SLF1: variants seen among roughly 807,000 people sequenced by gnomAD.
The protein encoded by SLF1 is SMC5/6 complex localization factor 1.
A neutral mutation model predicts 123.0 loss-of-function variants in SLF1; 105 were observed. That is an observed-to-expected ratio of 0.85 (90% confidence interval 0.73 to 1.00). The LOEUF is 1.00. Ranked by LOEUF, SLF1 falls within the 50% of genes least tolerant of loss-of-function variation. The pLI is 0.00. For missense variants in SLF1, 1,239 were observed against 1,223.0 expected, an observed-to-expected ratio of 1.01 and a Z score of -0.20; for synonymous variants, 434 against 406.6, an observed-to-expected ratio of 1.07 and a Z score of -0.81.
At chr5:94,619,043 T>C (rs1791329372) in intron 1 of SLF1, among the ~76,000 whole-genome samples, 1 of 152,088 alleles carries the variant, frequency 6.6e-6, no homozygotes, top group Non-Finnish European at 1.5e-5. Context: ...AGCGCCCCTC[T>C]GCAGTACTGG....
intron 5 of SLF1, among the ~76,000 whole-genome samples, chr5:94,648,701 T>G (rs1747343782): frequency 1.3e-5 from 2 of 151,994 alleles, no homozygotes; most frequent in Non-Finnish European, 1.5e-5. Flanking sequence ...AGGATGGTCT[T>G]GATCTTCTGA....
rs191659323 is a variant in SLF1, at chr5:94,691,372, G to T, written c.2420-192G>T. On this transcript the variant is annotated intron_variant, in intron 18 of 20. Transcript: ENST00000265140. ...GATAGAACAGAAGCAGTATGGATTG[G>T]TGGGGGTCCTTCCCCTTCCCACCCC... 2.8e-3 allele frequency: 1,424 copies of T among 505,182 alleles called. 23 individuals are homozygous for T. Among genetic ancestry groups the T allele is most frequent in the South Asian group, 0.014 (617 of 43,372 alleles). 31.3% of individuals were successfully genotyped at this position (505,182 alleles called of 1,614,324 possible). A position where few individuals can be genotyped will look rare whatever the true frequency, so the allele number is the denominator to read the frequency against.
chr5:94,659,780 G>T (rs1027992698), intron 9 of SLF1, among the ~76,000 whole-genome samples: 1 of 152,174 alleles, frequency 6.6e-6, no homozygotes, highest in Admixed American at 6.5e-5. Context: ...GTCATCACAG[G>T]TCTGGGTAGG....
intron 5 of SLF1, among the ~76,000 whole-genome samples, chr5:94,644,044 A>T (rs1430234962): frequency 6.6e-6 from 1 of 152,080 alleles, no homozygotes; most frequent in Non-Finnish European, 1.5e-5. Flanking sequence ...TACCCTTAAA[A>T]TCTTTCTCTC....
chr5:94,643,404 C>G lies in SLF1; in HGVS notation c.563C>G (p.Pro188Arg). ...GATAACTTTAAGGCTCCATTTTATCCAATTCAGTATCTAGGGGATTTTCTT... is the reference window on the plus strand; with the variant it reads ...GATAACTTTAAGGCTCCATTTTATCGAATTCAGTATCTAGGGGATTTTCTT... ...EKDNFKAPFYPIQYLGDFLLE... is the reference protein window; with the variant it reads ...EKDNFKAPFYRIQYLGDFLLE... The change falls in exon 5 of 21, where the codon CCA becomes CGA. Residue 188 changes from proline to arginine, a missense_variant. Pro to Arg is a moderately radical substitution (Grantham distance 103). Coordinates refer to ENST00000265140, the MANE Select transcript of SLF1 (RefSeq NM_032290.4). The G allele has an allele frequency of 6.6e-7, 1 of 1,520,436 alleles. No individual in the cohort carries two copies. Among genetic ancestry groups the G allele is most frequent in the Non-Finnish European group, 8.9e-7 (1 of 1,129,726 alleles). 94.2% of individuals were successfully genotyped at this position (1,520,436 alleles called of 1,614,324 possible). A position where few individuals can be genotyped will look rare whatever the true frequency, so the allele number is the denominator to read the frequency against.
intron 7 of SLF1, 22 bp downstream of exon 7, chr5:94,651,867 A>T (rs1010355300): frequency 3.2e-6 from 4 of 1,264,884 alleles, no homozygotes. Flanking sequence ...CAAATTAAAA[A>T]TAATTTATTT....
intron 1 of SLF1, among the ~76,000 whole-genome samples, chr5:94,619,556 A>G (rs957894138): frequency 2.0e-5 from 3 of 152,094 alleles, no homozygotes; most frequent in Non-Finnish European, 4.4e-5. Flanking sequence ...AGTTAGATGG[A>G]GCTTGATTTT....
At chr5:94,656,420 GCTTTT>G (rs1465037118) in intron 9 of SLF1, among the ~76,000 whole-genome samples, 1 of 151,796 alleles carries the variant, frequency 6.6e-6, no homozygotes, top group Non-Finnish European at 1.5e-5. Context: ...TTTTGCATCT[GCTTTT>G]CTCAGGGATA....
At chr5:94,675,323 A>C (rs565592160) in intron 14 of SLF1, among the ~76,000 whole-genome samples, 1 of 152,230 alleles carries the variant, frequency 6.6e-6, no homozygotes. Flanking sequence ...TATATATCAT[A>C]TATGCAAATC....
In SLF1 at chr5:94,695,428, G is replaced by T. The variant is rs1463173079; in HGVS notation, c.*116G>T. The T allele has an allele frequency of 2.4e-6, 3 of 1,238,324 alleles. No homozygotes were observed. The highest frequency in any genetic ancestry group is 2.1e-6 in the Non-Finnish European group (2 of 947,330). The allele number at this position is 1,238,324 out of a possible 1,614,324, so 76.7% of individuals were successfully genotyped here. A position where few individuals can be genotyped will look rare whatever the true frequency, so the allele number is the denominator to read the frequency against. Reference sequence around the variant, plus strand: ...TTTGATTTATTTATTGACAGACTTTGCAGCCTTGCTAAATTTTAAAAGCAT... The same window carrying T: ...TTTGATTTATTTATTGACAGACTTTTCAGCCTTGCTAAATTTTAAAAGCAT... On this transcript the variant is annotated 3_prime_UTR_variant, in exon 21 of 21. Coordinates refer to ENST00000265140, the MANE Select transcript of SLF1 (RefSeq NM_032290.4).
chr5:94,664,495 A>T lies in SLF1; in HGVS notation c.1368+587A>T, dbSNP rs137995576. 2.7e-3 allele frequency among the ~76,000 whole-genome samples: 414 copies of T among 152,298 alleles called. 1 individual carries two copies. The highest frequency in any genetic ancestry group is 9.7e-3 in the African/African-American group (404 of 41,574). ...TTTTTTGTAGAGATGGAGTCTTGCT[A>T]TGTTGCCCATGCTGGGAACATACCC... On this transcript the variant is annotated intron_variant, in intron 11 of 20. Transcript: ENST00000265140.
rs756760792 is a variant in SLF1 at position 94,670,128 on chromosome 5, A to AT, written c.1533-18dup. On this transcript the variant is annotated intron_variant, in intron 12 of 20. Coordinates refer to ENST00000265140, the MANE Select transcript of SLF1 (RefSeq NM_032290.4). The stretch of plus-strand genomic sequence containing the variant: ...TTAGTGAATTGCTTGTATGTTATAG[A>AT]TTTTTGGGTTCATGTTTTTCAGGTC... The AT allele has an allele frequency of 2.6e-6, 4 of 1,525,176 alleles. No individual in the cohort carries two copies. The African/African-American group carries it at 5.6e-5, about 21-fold the overall frequency. The allele number at this position is 1,525,176 out of a possible 1,614,324, so 94.5% of individuals were successfully genotyped here.
At chr5:94,638,263 C>T (rs1046784570) in intron 4 of SLF1, among the ~76,000 whole-genome samples, 1 of 152,106 alleles carries the variant, frequency 6.6e-6, no homozygotes. Context: ...ACTGCAACCT[C>T]CACCTCCCGG....
chr5:94,662,663 A>T (rs187514636), intron 10 of SLF1, among the ~76,000 whole-genome samples: 79 of 152,300 alleles, frequency 5.2e-4, no homozygotes, highest in African/African-American at 1.8e-3. Context: ...TTAGATTAAA[A>T]TTTTTTGGTG....
At chr5:94,648,686 T>C (rs1391025341) in intron 5 of SLF1, among the ~76,000 whole-genome samples, 1 of 152,046 alleles carries the variant, frequency 6.6e-6, no homozygotes, top group African/African-American at 2.4e-5. Context: ...TTCACCATGT[T>C]GGGCAGGATG....
intron 15 of SLF1, among the ~76,000 whole-genome samples, chr5:94,685,721 G>A (rs1752336101): frequency 6.6e-6 from 1 of 151,842 alleles, no homozygotes; most frequent in South Asian, 2.1e-4. Context: ...TGTAGTCCCA[G>A]CTACTTGGGA....
intron 12 of SLF1, among the ~76,000 whole-genome samples, chr5:94,667,344 A>C (rs1240769124): frequency 6.6e-6 from 1 of 152,198 alleles, no homozygotes; most frequent in East Asian, 1.9e-4. Flanking sequence ...TGTGGCTGAC[A>C]TCCTTCATAA....
intron 15 of SLF1, among the ~76,000 whole-genome samples, chr5:94,679,246 T>C (rs894927938): frequency 2.6e-5 from 4 of 152,178 alleles, no homozygotes; most frequent in African/African-American, 7.2e-5. Flanking sequence ...TGCATTCTTA[T>C]TTTCCTCTAA....
At chr5:94,637,035 G>A (rs959270164) in intron 4 of SLF1, among the ~76,000 whole-genome samples, 1 of 151,970 alleles carries the variant, frequency 6.6e-6, no homozygotes, top group East Asian at 1.9e-4. Flanking sequence ...TTCTTTAAAG[G>A]GATTATTCTT....
Sources: allele counts gnomAD v4.1 joint callset (sites outside exome capture counted in the v4.1 genomes callset), GRCh38; gene constraint gnomAD v4.1.1; transcripts MANE v1.5; gene names NCBI Gene and HGNC (gene_info 2026-07-23, HGNC 2026-07-21).